OR6J1: variants seen among roughly 807,000 people sequenced by gnomAD.
The protein encoded by OR6J1 is olfactory receptor 6J1.
For missense variants in OR6J1, 304 were observed against 166.8 expected, an observed-to-expected ratio of 1.82 and a Z score of -4.53; for synonymous variants, 109 against 70.0, an observed-to-expected ratio of 1.56 and a Z score of -2.78.
At chr14:22,637,629 G>T (rs2037601663) in intron 1 of OR6J1, among the ~76,000 whole-genome samples, 1 of 74,448 alleles carries the variant, frequency 1.3e-5, no homozygotes, top group African/African-American at 7.1e-5. Context: ...ATCCGGGAGG[G>T]AGGTGGGGGG....
Position 22,631,531 on chromosome 14 carries a change from C to T in OR6J1, c.*2237G>A, listed in dbSNP as rs545898550. ...AAGGTTGTCTCTCTTATTCCCTGAA[C>T]AATTGCTGTTATCCTGTTCTTTTTC... On this transcript the variant is annotated 3_prime_UTR_variant, in exon 2 of 2. Coordinates refer to ENST00000540461, the MANE Select transcript of OR6J1 (RefSeq NM_001348233.2). 1.3e-5 allele frequency: 2 copies of T among 152,322 alleles called. No homozygotes were observed. The highest frequency in any genetic ancestry group is 2.1e-4 in the South Asian group (1 of 4,822). 9.4% of individuals were successfully genotyped at this position (152,322 alleles called of 1,614,324 possible). A position where few individuals can be genotyped will look rare whatever the true frequency, so the allele number is the denominator to read the frequency against.
chr14:22,637,556 C>A (rs1403407816), intron 1 of OR6J1, among the ~76,000 whole-genome samples: 22 of 33,770 alleles, frequency 6.5e-4, no homozygotes, highest in Admixed American at 8.7e-4. Context: ...GCCCCCTGCC[C>A]GGCCAGCCGC....
At position 22,634,593 on chromosome 14, in the gene OR6J1, G is replaced by A. The variant is rs183420584; in HGVS notation, c.219C>T (p.Thr73=). Residue 73 remains threonine (T), a synonymous_variant, in exon 2 of 2, where the codon ACC becomes ACT. Coordinates refer to ENST00000540461, the MANE Select transcript of OR6J1 (RefSeq NM_001348233.2). ...CCAACACTTTTGGAGAGATGACTGA[G>A]GTGAAGAGGATGTCCAGGATAGAGA... ...CNLSILDILF[T]SVISPKVLAN... 1,826 of 720,790 alleles carry A rather than the reference G, an allele frequency of 2.5e-3. 9 individuals are homozygous for A. Among genetic ancestry groups the A allele is most frequent in the Non-Finnish European group, 3.9e-3 (1,550 of 392,490 alleles). 44.6% of individuals were successfully genotyped at this position (720,790 alleles called of 1,614,324 possible).
Position 22,633,483 on chromosome 14 carries a change from TG to T in OR6J1, c.*284del. On this transcript the variant is annotated 3_prime_UTR_variant, in exon 2 of 2. Transcript: ENST00000540461. ...GTTGTGTTCGGGATCCATAAAGAAA[TG>T]GGGCCAAACATGTTAGGACTTTAGG... 1 of 350,796 alleles carries T rather than the reference TG, an allele frequency of 2.9e-6. No homozygotes were observed. Among genetic ancestry groups the T allele is most frequent in the East Asian group, 4.9e-5 (1 of 20,386 alleles). 21.7% of individuals were successfully genotyped at this position (350,796 alleles called of 1,614,324 possible). A position where few individuals can be genotyped will look rare whatever the true frequency, so the allele number is the denominator to read the frequency against.
Position 22,642,133 on chromosome 14 carries a change from C to T in OR6J1, c.-28+1965G>A, listed in dbSNP as rs570986209. Reference sequence around the variant, plus strand: ...CTGCCCTACCTTCCTATAGCCTTGGCACATGGACAGTCTCTCCAGACAACT... The same window carrying T: ...CTGCCCTACCTTCCTATAGCCTTGGTACATGGACAGTCTCTCCAGACAACT... On this transcript the variant is annotated intron_variant, in intron 1 of 1. Coordinates refer to ENST00000540461, the MANE Select transcript of OR6J1 (RefSeq NM_001348233.2). 2.6e-5 allele frequency among the ~76,000 whole-genome samples: 4 copies of T among 151,960 alleles called. No homozygotes were observed. The East Asian group carries it at 5.8e-4, about 22-fold the overall frequency.
intron 1 of OR6J1, among the ~76,000 whole-genome samples, chr14:22,643,249 TG>T (rs2037664638): frequency 1.3e-5 from 2 of 151,082 alleles, no homozygotes; most frequent in South Asian, 4.2e-4. Flanking sequence ...ATTACAGGCG[TG>T]AGCCACCGTG....
intron 1 of OR6J1, among the ~76,000 whole-genome samples, chr14:22,640,244 A>C (rs1359397771): frequency 1.0e-5 from 1 of 99,354 alleles, no homozygotes; most frequent in Non-Finnish European, 2.0e-5. Context: ...GAAGGATGGA[A>C]GGAAGGAAGG....
chr14:22,643,714 AACACACACACACAC>A (rs1183889876), intron 1 of OR6J1, among the ~76,000 whole-genome samples: 89 of 84,050 alleles, frequency 1.1e-3, no homozygotes, highest in Middle Eastern at 9.6e-3. Context: ...GCATGGCAGA[AACACACACACACAC>A]ACACACACAC....
At chr14:22,639,703 T>C (rs1351138335) in intron 1 of OR6J1, among the ~76,000 whole-genome samples, 1 of 125,030 alleles carries the variant, frequency 8.0e-6, no homozygotes, top group Non-Finnish European at 1.6e-5. Context: ...CGGTGCTCTC[T>C]GAAACATGTG....
chr14:22,637,705 G>A (rs1447680823), intron 1 of OR6J1, among the ~76,000 whole-genome samples: 2 of 81,212 alleles, frequency 2.5e-5, no homozygotes, highest in Non-Finnish European at 4.9e-5. Flanking sequence ...CCCCCCGCCC[G>A]ACCAGCCGCC....
chr14:22,639,968 C>G lies in OR6J1; in HGVS notation c.-28+4130G>C. ...CAAATCCTCCTCTGTGAGAAACACC[C>G]AAGAATTATCAATAAAAAAATAAAT... On this transcript the variant is annotated intron_variant, in intron 1 of 1. Coordinates refer to ENST00000540461, the MANE Select transcript of OR6J1 (RefSeq NM_001348233.2). Among the ~76,000 whole-genome samples, 2 of 70,818 alleles carry G rather than the reference C, an allele frequency of 2.8e-5. 1 individual carries two copies. The highest frequency in any genetic ancestry group is 8.2e-4 in the South Asian group (2 of 2,434). 46.5% of individuals were successfully genotyped at this position (70,818 alleles called of 152,430 possible).
rs1220014401 is a variant in OR6J1, at chr14:22,641,282, AAAGAG to A, written c.-28+2811_-28+2815del. Among the ~76,000 whole-genome samples, 8 of 73,790 alleles carry A rather than the reference AAAGAG, an allele frequency of 1.1e-4. No homozygotes were observed. In the East Asian group the frequency reaches 2.6e-3, roughly 24 times the overall value. 48.4% of individuals were successfully genotyped at this position (73,790 alleles called of 152,430 possible). A position where few individuals can be genotyped will look rare whatever the true frequency, so the allele number is the denominator to read the frequency against. On this transcript the variant is annotated intron_variant, in intron 1 of 1. Transcript: ENST00000540461. ...GAAAGAAAGAAAGGAAGGAAGGAAGAAAGAGAAGAAAGAGAGACAGAGAGGAAAGA... is the reference window on the plus strand; with the variant it reads ...GAAAGAAAGAAAGGAAGGAAGGAAGAAAGAAAGAGAGACAGAGAGGAAAGA...
In OR6J1 at chr14:22,634,550, C is replaced by T. The variant is rs756375449; in HGVS notation, c.262G>A (p.Asp88Asn). ...PKVLANLGSR[D>N]KTISFAGCIT... is the part of the protein sequence containing the mutation. The stretch of plus-strand genomic sequence containing the variant: ...CATCCGGCAAAGGAGATGGTTTTAT[C>T]CCTAGATCCTAAGTTGGCCAACACT... Residue 88 changes from aspartate to asparagine, a missense_variant, in exon 2 of 2, where the codon GAT becomes AAT. Transcript: ENST00000540461. The T allele has an allele frequency of 1.0e-4, 72 of 705,740 alleles. 1 individual carries two copies. The East Asian group carries it at 1.5e-3, about 15-fold the overall frequency. 43.7% of individuals were successfully genotyped at this position (705,740 alleles called of 1,614,324 possible).
intron 1 of OR6J1, among the ~76,000 whole-genome samples, chr14:22,640,329 G>T: frequency 7.2e-6 from 1 of 138,726 alleles, no homozygotes; most frequent in African/African-American, 2.7e-5. Context: ...GAGGAGAGGA[G>T]GGTAGAGGGG....
chr14:22,643,750 CACACACACACACACAGAGAGAGAGAG>C (rs2037668797), intron 1 of OR6J1, among the ~76,000 whole-genome samples: 1 of 107,528 alleles, frequency 9.3e-6, no homozygotes, highest in African/African-American at 3.7e-5. Flanking sequence ...CACACACACA[CACACACACACACACAGAGAGAGAGAG>C]AGAGAGAGAG....
At chr14:22,638,719 A>G (rs1210192279) in intron 1 of OR6J1, among the ~76,000 whole-genome samples, 2 of 152,162 alleles carry the variant, frequency 1.3e-5, no homozygotes, top group Non-Finnish European at 2.9e-5. Context: ...TATACCCACT[A>G]TATTGTCAAG....
chr14:22,638,835 G>A (rs2037617638), intron 1 of OR6J1, among the ~76,000 whole-genome samples: 1 of 89,946 alleles, frequency 1.1e-5, no homozygotes, highest in Non-Finnish European at 2.4e-5. Flanking sequence ...TCTGGAAAGT[G>A]AGGAGCGTCT....
chr14:22,634,489 G>A lies in OR6J1; in HGVS notation c.323C>T (p.Thr108Ile). The A allele has an allele frequency of 2.8e-6, 2 of 703,368 alleles. No individual in the cohort carries two copies. Among genetic ancestry groups the A allele is most frequent in the Non-Finnish European group, 5.2e-6 (2 of 384,920 alleles). 43.6% of individuals were successfully genotyped at this position (703,368 alleles called of 1,614,324 possible). ...TQCYFYFFLG[T>I]VEFLLLTVMS... is the part of the protein sequence containing the mutation. ...GACCGTCAGCAGGAGGAACTCAACT[G>A]TGCCCAAGAAAAAGTAGAAATAGCA... The change falls in exon 2 of 2, where the codon ACA becomes ATA. Residue 108 changes from threonine (T) to isoleucine (I), a missense_variant. Physicochemically the swap from Thr to Ile is moderately conservative, Grantham distance 89 (BLOSUM62 -1). Coordinates refer to ENST00000540461, the MANE Select transcript of OR6J1 (RefSeq NM_001348233.2).
rs1309638928 is a variant in OR6J1, at chr14:22,633,893, C to A, written c.919G>T (p.Val307Phe). The stretch of plus-strand genomic sequence containing the variant: ...ATCCTCTTTTCAAAAACTCCTCGAA[C>A]CCTGACCCACACATCCCTGAGGACT... ...QGVLRDVWVR[V>F]RGVFEKRMRA... Residue 307 changes from valine to phenylalanine, a missense_variant, in exon 2 of 2, where the codon GTT becomes TTT. By Grantham distance (50) the Val-to-Phe change is conservative. Coordinates refer to ENST00000540461, the MANE Select transcript of OR6J1 (RefSeq NM_001348233.2). 1 of 702,830 alleles carries A rather than the reference C, an allele frequency of 1.4e-6. No individual in the cohort carries two copies. Among genetic ancestry groups the A allele is most frequent in the African/African-American group, 1.7e-5 (1 of 57,234 alleles). The allele number at this position is 702,830 out of a possible 1,614,324, so 43.5% of individuals were successfully genotyped here.
Sources: gnomAD v4.1 joint callset for allele counts (sites outside exome capture counted in the v4.1 genomes callset) on GRCh38, gnomAD v4.1.1 for gene constraint, MANE v1.5 for transcripts, NCBI Gene and HGNC (gene_info 2026-07-23, HGNC 2026-07-21) for gene names.